Variants in SCFD2 observed in about 807,000 individuals in gnomAD.
SCFD2 encodes sec1 family domain containing 2, also known as sec1 family domain-containing protein 2.
Under a neutral mutation model 58.9 loss-of-function variants are expected in SCFD2, and 54 were observed. The ratio of observed to expected loss-of-function variants is 0.92; its 90% CI spans 0.74 to 1.15. The LOEUF is 1.15. SCFD2 is among the 50% of genes most tolerant of loss of function. SCFD2 has a pLI of 0.00. For missense variants in SCFD2, 805 were observed against 836.6 expected (o/e 0.96, Z 0.47); for synonymous variants, 321 against 335.9 (o/e 0.96, Z 0.49).
intron 3 of SCFD2, among the ~76,000 whole-genome samples, chr4:53,289,801 A>C (rs112996185): frequency 4.1e-4 from 63 of 152,280 alleles, no homozygotes; most frequent in African/African-American, 1.4e-3. Flanking sequence ...AATTCCTGTA[A>C]AAAGTAACAA....
At chr4:53,219,425 C>A (rs1728977680) in intron 4 of SCFD2, among the ~76,000 whole-genome samples, 1 of 152,184 alleles carries the variant, frequency 6.6e-6, no homozygotes, top group South Asian at 2.1e-4. Flanking sequence ...GGGTGTGGGA[C>A]CCTCTGAGCC....
chr4:53,209,885 G>A (rs1423742691), intron 4 of SCFD2, among the ~76,000 whole-genome samples: 1 of 151,898 alleles, frequency 6.6e-6, no homozygotes, highest in African/African-American at 2.4e-5. Flanking sequence ...AAAAGGCCTA[G>A]CACTACACCA....
chr4:53,138,156 G>A (rs1173378125), intron 5 of SCFD2, among the ~76,000 whole-genome samples: 4 of 151,996 alleles, frequency 2.6e-5, no homozygotes, highest in Non-Finnish European at 5.9e-5. Context: ...ATACTAGATG[G>A]ACCAAACATT....
At chr4:52,885,605 G>T in intron 8 of SCFD2, 142 bp downstream of exon 8, 1 of 895,660 alleles carries the variant, frequency 1.1e-6, no homozygotes, top group Non-Finnish European at 1.8e-6. Flanking sequence ...ACAGGCGGTA[G>T]CAGGAGGGAG....
chr4:53,337,062 TA>T (rs1238307471), intron 2 of SCFD2, among the ~76,000 whole-genome samples: 35 of 152,206 alleles, frequency 2.3e-4, no homozygotes, highest in African/African-American at 7.5e-4. Context: ...CCAGTTGCCA[TA>T]AAAAATTACC....
At chr4:53,206,230 T>C (rs1158342610) in intron 4 of SCFD2, among the ~76,000 whole-genome samples, 1 of 152,172 alleles carries the variant, frequency 6.6e-6, no homozygotes, top group African/African-American at 2.4e-5. Flanking sequence ...ATCTCTTATT[T>C]GGGTCACACA....
chr4:52,887,620 T>C (rs1718768948), intron 7 of SCFD2, among the ~76,000 whole-genome samples: 1 of 152,214 alleles, frequency 6.6e-6, no homozygotes, highest in South Asian at 2.1e-4. Context: ...GGAGCATGCA[T>C]GGAGTCCTTG....
intron 4 of SCFD2, among the ~76,000 whole-genome samples, chr4:53,251,145 A>C (rs1730359062): frequency 6.6e-6 from 1 of 152,232 alleles, no homozygotes; most frequent in South Asian, 2.1e-4. Flanking sequence ...GAAATGGATA[A>C]ATTCCTCGAC....
intron 2 of SCFD2, among the ~76,000 whole-genome samples, chr4:53,314,760 T>G (rs1308005205): frequency 1.3e-5 from 2 of 152,222 alleles, no homozygotes; most frequent in Non-Finnish European, 2.9e-5. Flanking sequence ...TATTGAATAA[T>G]AGAATGATGT....
rs146274373 is a variant in SCFD2 at position 53,352,603 on chromosome 4, T to C, written c.1002A>G (p.Gln334=). Residue 334 remains glutamine (Q), a synonymous_variant, in exon 2 of 9, where the codon CAA becomes CAG. Coordinates refer to ENST00000401642, the MANE Select transcript of SCFD2 (RefSeq NM_152540.4). Reference sequence around the variant, plus strand: ...ACAAAAACTATATATCTTACCTGGATTGTGAAAGACAGCCTGGTGCAACCA... The same window carrying C: ...ACAAAAACTATATATCTTACCTGGACTGTGAAAGACAGCCTGGTGCAACCA... ...YNVVAPGCLS[Q]SSDTTAKALW... 3 of 1,612,058 alleles carry C rather than the reference T, an allele frequency of 1.9e-6. No homozygotes were observed. The highest frequency in any genetic ancestry group is 2.7e-5 in the African/African-American group (2 of 74,978).
chr4:53,226,097 C>T (rs115229897), intron 4 of SCFD2, among the ~76,000 whole-genome samples: 1 of 152,278 alleles, frequency 6.6e-6, no homozygotes, highest in East Asian at 1.9e-4. Context: ...CCACTGCAAC[C>T]AGGCTGGTTT....
At chr4:53,013,656 T>C (rs1323124282) in intron 5 of SCFD2, among the ~76,000 whole-genome samples, 2 of 152,238 alleles carry the variant, frequency 1.3e-5, no homozygotes, top group Non-Finnish European at 2.9e-5. Context: ...AAGGTAGTTT[T>C]ATAACATTTA....
In SCFD2 at chr4:53,111,940, T is replaced by G. The variant is rs147762176; in HGVS notation, c.1561+33393A>C. 3.6e-3 allele frequency among the ~76,000 whole-genome samples: 547 copies of G among 152,186 alleles called. 3 individuals carry two copies. Among genetic ancestry groups the G allele is most frequent in the African/African-American group, 0.013 (521 of 41,546 alleles). ...AGAAGTATGAAGAATGAGTTCTTCA[T>G]TCTCAAGGAGGACTATAAAAGAGGA... On this transcript the variant is annotated intron_variant, in intron 5 of 8. Transcript: ENST00000401642.
At chr4:53,142,170 C>A (rs1360796703) in intron 5 of SCFD2, among the ~76,000 whole-genome samples, 1 of 152,196 alleles carries the variant, frequency 6.6e-6, no homozygotes, top group Non-Finnish European at 1.5e-5. Context: ...AATGGTTCCA[C>A]CAAACATGAT....
At chr4:53,214,699 T>G (rs902675024) in intron 4 of SCFD2, among the ~76,000 whole-genome samples, 1 of 152,194 alleles carries the variant, frequency 6.6e-6, no homozygotes, top group African/African-American at 2.4e-5. Context: ...GCCATTGCTT[T>G]CGGTGTTTTA....
intron 4 of SCFD2, among the ~76,000 whole-genome samples, chr4:53,247,190 T>C (rs1226999661): frequency 6.6e-6 from 1 of 151,876 alleles, no homozygotes; most frequent in Non-Finnish European, 1.5e-5. Context: ...GAAATGCAAA[T>C]AAAAACCATA....
chr4:53,216,725 C>T (rs1460271133), intron 4 of SCFD2, among the ~76,000 whole-genome samples: 5 of 152,086 alleles, frequency 3.3e-5, no homozygotes, highest in East Asian at 1.9e-4. Flanking sequence ...TCTAGTTCTT[C>T]TAATTGTGAT....
chr4:52,921,189 G>A (rs1382997672), intron 5 of SCFD2, among the ~76,000 whole-genome samples: 6 of 152,144 alleles, frequency 3.9e-5, no homozygotes, highest in African/African-American at 9.6e-5. Context: ...CATAATCCTC[G>A]GAACACGACT....
At chr4:53,038,767 C>T (rs1243077788) in intron 5 of SCFD2, among the ~76,000 whole-genome samples, 1 of 151,784 alleles carries the variant, frequency 6.6e-6, no homozygotes, top group Non-Finnish European at 1.5e-5. Flanking sequence ...CATCTCACTG[C>T]AGCCTCAATC....
Sources: gnomAD v4.1 joint callset for allele counts (sites outside exome capture counted in the v4.1 genomes callset) on GRCh38, gnomAD v4.1.1 for gene constraint, MANE v1.5 for transcripts, NCBI Gene and HGNC (gene_info 2026-07-23, HGNC 2026-07-21) for gene names.